Variants in TGM7 observed in about 807,000 individuals in gnomAD.
TGM7 encodes the protein transglutaminase 7.
Under a neutral mutation model 79.5 loss-of-function variants are expected in TGM7, and 74 were observed. That is an observed-to-expected ratio of 0.93 (90% CI 0.77 to 1.13). The LOEUF (loss-of-function observed/expected upper bound fraction) is 1.13. Ranked by LOEUF, TGM7 falls within the 50% of genes most tolerant of loss-of-function variation. The probability of loss-of-function intolerance (pLI) is 0.00; values close to 1 mark genes in which losing one functional copy is unlikely to be tolerated. For synonymous variants in TGM7, 354 were observed against 362.5 expected (o/e 0.98, Z 0.27); for missense variants, 912 against 905.9 (o/e 1.01, Z -0.09).
intron 1 of TGM7, among the ~76,000 whole-genome samples, chr15:43,299,498 G>A (rs2043016093): frequency 6.6e-6 from 1 of 152,194 alleles, no homozygotes; most frequent in South Asian, 2.1e-4. Context: ...CCCAGCTAGG[G>A]TGGATGAAAA....
chr15:43,281,486 T>C, intron 9 of TGM7, among the ~76,000 whole-genome samples: 1 of 152,246 alleles, frequency 6.6e-6, no homozygotes, highest in Admixed American at 6.5e-5. Context: ...GTACATCCCA[T>C]GCACTATTTG....
Position 43,276,587 on chromosome 15 carries a change from G to A in TGM7, c.2001C>T (p.Thr667=), listed in dbSNP as rs1416507532. ...KDLGTLVAGH[T]LQIQLDLYPT... ...GGTAGAGGTCCAGTTGAATTTGGAG[G>A]GTGTGTCCGGCCACCAGAGTCCCAA... The change falls in exon 13 of 13, where the codon ACC becomes ACT. Residue 667 remains threonine (T), a synonymous_variant. Coordinates refer to ENST00000452443, the MANE Select transcript of TGM7 (RefSeq NM_052955.3). The A allele has an allele frequency of 6.2e-7, 1 of 1,613,904 alleles. No homozygotes were observed. The highest frequency in any genetic ancestry group is 1.1e-5 in the South Asian group (1 of 91,040).
chr15:43,279,797 C>G lies in TGM7; in HGVS notation c.1506G>C (p.Trp502Cys). 6.2e-7 allele frequency: 1 copy of G among 1,614,194 alleles called. No homozygotes were observed. The highest frequency in any genetic ancestry group is 8.5e-7 in the Non-Finnish European group (1 of 1,180,028). ...GCAGCAGCAGCTGCAGGTCCTGGCC[C>G]CACTCGGGTATCCTGGCCAGGTGAA... Reference protein sequence around the residue: ...LQLHLARIPEWGQDLQLLLRI... With the variant: ...LQLHLARIPECGQDLQLLLRI... The change falls in exon 10 of 13, where the codon TGG (tryptophan) becomes TGC (cysteine). Residue 502 changes from tryptophan to cysteine, a missense_variant. Transcript: ENST00000452443.
At chr15:43,297,408 G>A (rs1361668213) in intron 1 of TGM7, among the ~76,000 whole-genome samples, 5 of 151,246 alleles carry the variant, frequency 3.3e-5, no homozygotes, top group Non-Finnish European at 5.9e-5. Flanking sequence ...AGCTGAGATC[G>A]TACCATTGCA....
At chr15:43,299,430 A>G (rs1053909077) in intron 1 of TGM7, among the ~76,000 whole-genome samples, 1 of 152,244 alleles carries the variant, frequency 6.6e-6, no homozygotes, top group Admixed American at 6.5e-5. Flanking sequence ...ATCCCTGGGC[A>G]TATGGCAGGC....
chr15:43,301,758 T>G, intron 1 of TGM7, among the ~76,000 whole-genome samples: 2 of 149,234 alleles, frequency 1.3e-5, no homozygotes, highest in Non-Finnish European at 1.5e-5. Context: ...AGGAGAGGAG[T>G]GGCAGGGTTC....
rs1270112501 is a variant in TGM7 at position 43,281,949 on chromosome 15, C to T, written c.1246G>A (p.Glu416Lys). ...GAACTGGTGTTGTGGGCCAGGATTT[C>T]CTGGGCCTGGCCATCCCCAAGGAGC... is the stretch of plus-strand genomic sequence containing the variant. The part of the protein sequence containing the change: ...IWLLGDGQAQ[E>K]ILAHNTSSIG... Residue 416 changes from glutamate (E) to lysine (K), a missense_variant, in exon 9 of 13, where the codon GAA becomes AAA. Transcript: ENST00000452443. The T allele has an allele frequency of 1.2e-6, 2 of 1,614,122 alleles. No individual in the cohort carries two copies. Among genetic ancestry groups the T allele is most frequent in the East Asian group, 2.2e-5 (1 of 44,904 alleles).
intron 5 of TGM7, 23 bp downstream of exon 5, chr15:43,287,518 C>G: frequency 2.5e-6 from 4 of 1,612,700 alleles, no homozygotes; most frequent in Non-Finnish European, 3.4e-6. Flanking sequence ...TGTCCTCAGA[C>G]GGCGGGAAGC....
intron 9 of TGM7, 57 bp downstream of exon 9, chr15:43,281,787 T>C (rs2042909993): frequency 1.4e-5 from 23 of 1,594,550 alleles, no homozygotes; most frequent in Non-Finnish European, 1.9e-5. Context: ...CCATCCCAGC[T>C]AGGAAGCATC....
chr15:43,279,285 C>G lies in TGM7; in HGVS notation c.1679-8G>C, dbSNP rs1195202517. 1 of 1,612,858 alleles carries G rather than the reference C, an allele frequency of 6.2e-7. No individual in the cohort carries two copies. ...GGAGCGGCCACTGTGTCTCTAAGCA[C>G]ATACAAAAGACACCTTGAGTCCAGG... On this transcript the variant is annotated splice_region_variant and splice_polypyrimidine_tract_variant and intron_variant, in intron 10 of 12. Transcript: ENST00000452443.
At chr15:43,285,072 C>A in intron 6 of TGM7, 120 bp from the exon 7 acceptor site, 2 of 1,071,140 alleles carry the variant, frequency 1.9e-6, no homozygotes, top group Non-Finnish European at 2.7e-6. Flanking sequence ...CGGAACCACA[C>A]CAGTAACTCC....
chr15:43,281,391 G>C (rs899433915), intron 9 of TGM7, among the ~76,000 whole-genome samples: 1 of 152,202 alleles, frequency 6.6e-6, no homozygotes, highest in Non-Finnish European at 1.5e-5. Context: ...ATAGGGAGAC[G>C]GTGGTGCCAC....
intron 3 of TGM7, 76 bp from the exon 4 acceptor site, chr15:43,292,173 G>A (rs1028829024): frequency 1.0e-5 from 10 of 1,003,562 alleles, no homozygotes; most frequent in African/African-American, 3.2e-5. Context: ...AAACAGTAAC[G>A]ACAACGTGTT....
intron 9 of TGM7, among the ~76,000 whole-genome samples, chr15:43,281,139 T>G (rs540542115): frequency 6.6e-6 from 1 of 152,378 alleles, no homozygotes; most frequent in South Asian, 2.1e-4. Context: ...TTCCCAGTGC[T>G]TTCTATGGAC....
chr15:43,291,849 C>A (rs2042964812), intron 4 of TGM7, 130 bp downstream of exon 4: 1 of 619,080 alleles, frequency 1.6e-6, no homozygotes, highest in Admixed American at 2.9e-5. Context: ...CTGGCCAAGC[C>A]CCTCACACCC....
At chr15:43,277,659 G>A (rs190381692) in intron 11 of TGM7, among the ~76,000 whole-genome samples, 3 of 152,300 alleles carry the variant, frequency 2.0e-5, no homozygotes, top group Admixed American at 2.0e-4. Flanking sequence ...TGGGAGGCAG[G>A]CATCCTTCCT....
rs765182588 is a variant in TGM7, at chr15:43,284,923, C to T, written c.895G>A (p.Val299Ile). ...TGCGCGGAACGGAAATTGGAAACAA[C>T]ACGGGTTGGAACACCTAAGCATCTC... is the stretch of plus-strand genomic sequence containing the variant. ...VMRCLGVPTRVVSNFRSAHNV... is the reference protein window; with the variant it reads ...VMRCLGVPTRIVSNFRSAHNV... The change falls in exon 7 of 13, where the codon GTT becomes ATT. Residue 299 changes from valine (V) to isoleucine (I), a missense_variant. Val to Ile is a conservative substitution (Grantham distance 29). Transcript: ENST00000452443. 2 of 1,614,188 alleles carry T rather than the reference C, an allele frequency of 1.2e-6. No individual in the cohort carries two copies. Among genetic ancestry groups the T allele is most frequent in the Non-Finnish European group, 1.7e-6 (2 of 1,180,026 alleles).
intron 6 of TGM7, among the ~76,000 whole-genome samples, chr15:43,286,389 C>T (rs1296187276): frequency 6.6e-6 from 1 of 152,174 alleles, no homozygotes; most frequent in Non-Finnish European, 1.5e-5. Context: ...GACTTCCCAG[C>T]CCAAGGAACA....
chr15:43,298,677 C>T (rs201465017), intron 1 of TGM7, among the ~76,000 whole-genome samples: 1 of 151,894 alleles, frequency 6.6e-6, no homozygotes, highest in Non-Finnish European at 1.5e-5. Flanking sequence ...TGCTTGAACC[C>T]GGGAGGCGGA....
Sources: allele counts gnomAD v4.1 joint callset (sites outside exome capture counted in the v4.1 genomes callset), GRCh38; gene constraint gnomAD v4.1.1; transcripts MANE v1.5; gene names NCBI Gene and HGNC (gene_info 2026-07-23, HGNC 2026-07-21).